Variants in NFX1 observed in about 807,000 individuals in gnomAD.
NFX1 encodes the protein nuclear transcription factor, X-box binding 1, also known as transcriptional repressor NF-X1.
NFX1 carries 69 observed loss-of-function variants against 137.2 expected under a neutral mutation model. That is an observed-to-expected ratio of 0.50 (90% confidence interval 0.41 to 0.61). The LOEUF (loss-of-function observed/expected upper bound fraction) is 0.61. Ranked by LOEUF, NFX1 falls within the 20% of genes least tolerant of loss-of-function variation. The pLI, the probability that NFX1 is intolerant of heterozygous loss-of-function variation, is 0.00. For missense variants in NFX1, 1,167 were observed against 1,391.0 expected (o/e 0.84, Z 2.56); for synonymous variants, 495 against 474.1 (o/e 1.04, Z -0.57).
chr9:33,303,830 G>GT (rs944577434), intron 4 of NFX1, among the ~76,000 whole-genome samples: 12 of 152,078 alleles, frequency 7.9e-5, no homozygotes, highest in Admixed American at 5.9e-4. Flanking sequence ...ATTTCTGCAT[G>GT]TTTTTTTTCC....
chr9:33,305,347 G>A (rs1447681893), intron 4 of NFX1, among the ~76,000 whole-genome samples: 6 of 152,198 alleles, frequency 3.9e-5, no homozygotes, highest in Non-Finnish European at 8.8e-5. Context: ...ATGTTGAAGG[G>A]AATAGCATAG....
intron 9 of NFX1, among the ~76,000 whole-genome samples, chr9:33,325,837 C>G (rs953025460): frequency 6.6e-6 from 1 of 152,006 alleles, no homozygotes; most frequent in African/African-American, 2.4e-5. Flanking sequence ...AATAGAATTT[C>G]AAATCCACAT....
intron 10 of NFX1, among the ~76,000 whole-genome samples, chr9:33,329,652 T>A (rs1042201308): frequency 6.6e-6 from 1 of 151,910 alleles, no homozygotes; most frequent in Non-Finnish European, 1.5e-5. Flanking sequence ...TTCTTTTTTT[T>A]TTTTTAATTT....
chr9:33,327,494 C>T (rs1021176064), intron 9 of NFX1, among the ~76,000 whole-genome samples: 5 of 152,130 alleles, frequency 3.3e-5, no homozygotes, highest in Non-Finnish European at 7.4e-5. Context: ...CCTCCTGAGT[C>T]GCTGGGATTA....
intron 11 of NFX1, among the ~76,000 whole-genome samples, chr9:33,334,329 T>G (rs1282349385): frequency 6.6e-6 from 1 of 152,126 alleles, no homozygotes; most frequent in Non-Finnish European, 1.5e-5. Context: ...TAGTGGCATG[T>G]GCCCATAGTC....
chr9:33,335,084 CT>C (rs567861463), intron 11 of NFX1, among the ~76,000 whole-genome samples: 10 of 151,154 alleles, frequency 6.6e-5, no homozygotes, highest in East Asian at 5.8e-4. Context: ...GGTTAGCCCA[CT>C]TTTTTTTTAG....
At chr9:33,363,059 G>C (rs190950269) in intron 19 of NFX1, among the ~76,000 whole-genome samples, 14 of 151,960 alleles carry the variant, frequency 9.2e-5, no homozygotes, top group Non-Finnish European at 1.3e-4. Context: ...GTAAGGTGTA[G>C]TATTTTACAA....
At chr9:33,320,207 T>C in intron 9 of NFX1, among the ~76,000 whole-genome samples, 1 of 151,500 alleles carries the variant, frequency 6.6e-6, no homozygotes. Context: ...TTGGGTGATC[T>C]GCCCGCCTTG....
intron 15 of NFX1, among the ~76,000 whole-genome samples, chr9:33,350,176 C>T (rs1482463818): frequency 1.3e-5 from 2 of 151,896 alleles, no homozygotes; most frequent in Non-Finnish European, 2.9e-5. Context: ...TGGTGGCACA[C>T]ACCTGTAGTC....
At position 33,370,212 on chromosome 9, in the gene NFX1, C is replaced by T. The variant is rs146084424; in HGVS notation, c.*234C>T. ...TGTATGGTCACTAGGTATGCAATCACGCATTCAAAGAGGCTCTTTACACCA... is the reference window on the plus strand; with the variant it reads ...TGTATGGTCACTAGGTATGCAATCATGCATTCAAAGAGGCTCTTTACACCA... On this transcript the variant is annotated 3_prime_UTR_variant, in exon 24 of 24. Coordinates refer to ENST00000379540, the MANE Select transcript of NFX1 (RefSeq NM_002504.6). The T allele has an allele frequency of 8.5e-5, 35 of 410,962 alleles. No homozygotes were observed. Among genetic ancestry groups the T allele is most frequent in the East Asian group, 7.9e-4 (19 of 24,070 alleles). 25.5% of individuals were successfully genotyped at this position (410,962 alleles called of 1,614,324 possible).
intron 5 of NFX1, among the ~76,000 whole-genome samples, chr9:33,307,764 C>G (rs1160903180): frequency 6.6e-6 from 1 of 150,444 alleles, no homozygotes; most frequent in Non-Finnish European, 1.5e-5. Context: ...TCCAAGATGT[C>G]AAGATGTCAA....
At position 33,351,685 on chromosome 9, in the gene NFX1, G is replaced by T; in HGVS notation, c.2550G>T (p.Glu850Asp). The stretch of plus-strand genomic sequence containing the variant: ...ACAAAGGGGAGTGTCTTGTGGATGA[G>T]CCCTGCAAGCAGCCCTGCACCACCC... Reference protein sequence around the residue: ...LCHKGECLVDEPCKQPCTTPR... With the variant: ...LCHKGECLVDDPCKQPCTTPR... Residue 850 changes from glutamate (E) to aspartate (D), a missense_variant, in exon 16 of 24, where the codon GAG (glutamate) becomes GAT (aspartate). Glu to Asp is a conservative substitution (Grantham distance 45). Transcript: ENST00000379540. 1 of 1,614,076 alleles carries T rather than the reference G, an allele frequency of 6.2e-7. No individual in the cohort carries two copies. The highest frequency in any genetic ancestry group is 8.5e-7 in the Non-Finnish European group (1 of 1,180,006).
Position 33,344,160 on chromosome 9 carries a change from C to T in NFX1, c.2316C>T (p.Cys772=), listed in dbSNP as rs144519029. Residue 772 remains cysteine (C), a synonymous_variant, in exon 14 of 24, where the codon TGC becomes TGT. Transcript: ENST00000379540. ...GGCCCCCTGAATGTACCCAAACCTG[C>T]GCTAGAGTCCATGAGTGTGACCATC... ...GTRPPECTQT[C]ARVHECDHPV... 496 of 1,614,038 alleles carry T rather than the reference C, an allele frequency of 3.1e-4. 3 individuals carry two copies. The East Asian group carries it at 7.3e-3, about 24-fold the overall frequency.
chr9:33,291,679 G>A (rs10813968), intron 1 of NFX1, among the ~76,000 whole-genome samples: 90,259 of 152,012 alleles, frequency 0.59, 32,528 homozygotes, highest in Non-Finnish European at 0.78. Context: ...CGAGGTGGAC[G>A]GATCACGAGG....
At chr9:33,301,807 C>T (rs867542641) in intron 3 of NFX1, among the ~76,000 whole-genome samples, 22 of 152,164 alleles carry the variant, frequency 1.4e-4, no homozygotes, top group Admixed American at 7.2e-4. Flanking sequence ...CATGATGGCT[C>T]ACGCCTGTAA....
intron 10 of NFX1, among the ~76,000 whole-genome samples, chr9:33,329,269 A>G (rs554154574): frequency 1.9e-4 from 29 of 152,310 alleles, no homozygotes; most frequent in Admixed American, 1.8e-3. Context: ...CAACCAGGAA[A>G]GTTCACCCAG....
intron 1 of NFX1, among the ~76,000 whole-genome samples, chr9:33,291,102 G>C (rs1327791217): frequency 1.3e-5 from 2 of 152,158 alleles, no homozygotes; most frequent in East Asian, 3.9e-4. Flanking sequence ...GTTAATTCCT[G>C]TGATGGCTCC....
At chr9:33,356,502 T>G (rs1317543701) in intron 19 of NFX1, among the ~76,000 whole-genome samples, 1 of 152,228 alleles carries the variant, frequency 6.6e-6, no homozygotes, top group Non-Finnish European at 1.5e-5. Context: ...CAGAAATTTT[T>G]AATGTTAATA....
chr9:33,367,449 T>C, intron 22 of NFX1, 66 bp from the exon 23 acceptor site: 2 of 1,539,862 alleles, frequency 1.3e-6, no homozygotes, highest in South Asian at 1.1e-5. Flanking sequence ...GCTGAGTTTC[T>C]AGCTTTCTGT....
Sources: allele counts gnomAD v4.1 joint callset (sites outside exome capture counted in the v4.1 genomes callset), GRCh38; gene constraint gnomAD v4.1.1; transcripts MANE v1.5; gene names NCBI Gene and HGNC (gene_info 2026-07-23, HGNC 2026-07-21).